LRRC4C: variants seen among roughly 807,000 people sequenced by gnomAD.
LRRC4C encodes leucine rich repeat containing 4C, also known as leucine-rich repeat-containing protein 4C.
A neutral mutation model predicts 33.6 loss-of-function variants in LRRC4C; 5 were observed. That is an observed-to-expected ratio of 0.15 (90% confidence interval 0.08 to 0.31). The LOEUF (loss-of-function observed/expected upper bound fraction) is 0.31. LRRC4C is among the 10% of genes least tolerant of loss of function. The pLI, the probability that LRRC4C is intolerant of heterozygous loss-of-function variation, is 1.00. For synonymous variants in LRRC4C, 329 were observed against 302.0 expected, an observed-to-expected ratio of 1.09 and a Z score of -0.93; for missense variants, 560 against 796.7, an observed-to-expected ratio of 0.70 and a Z score of 3.58.
chr11:40,872,772 G>A (rs759905100), intron 2 of LRRC4C, among the ~76,000 whole-genome samples: 1 of 152,042 alleles, frequency 6.6e-6, no homozygotes, highest in African/African-American at 2.4e-5. Flanking sequence ...AAAGGGGAAA[G>A]CATATTTCTC....
At chr11:41,107,450 A>C (rs1202899514) in intron 1 of LRRC4C, among the ~76,000 whole-genome samples, 1 of 152,132 alleles carries the variant, frequency 6.6e-6, no homozygotes, top group Non-Finnish European at 1.5e-5. Context: ...AGCAAGTGAA[A>C]TATCTCTCAT....
At chr11:40,671,967 G>A (rs565854871) in intron 2 of LRRC4C, among the ~76,000 whole-genome samples, 5 of 152,260 alleles carry the variant, frequency 3.3e-5, no homozygotes, top group Non-Finnish European at 5.9e-5. Context: ...TAAGGGATAA[G>A]TTTCTTTCTT....
intron 3 of LRRC4C, among the ~76,000 whole-genome samples, chr11:40,405,142 T>A (rs1044128761): frequency 7.3e-6 from 1 of 137,040 alleles, no homozygotes; most frequent in African/African-American, 3.0e-5. Context: ...ATATTTGAAC[T>A]TTTTTTTTTT....
intron 1 of LRRC4C, among the ~76,000 whole-genome samples, chr11:41,391,065 G>T (rs1483234252): frequency 6.6e-6 from 1 of 150,940 alleles, no homozygotes; most frequent in Non-Finnish European, 1.5e-5. Flanking sequence ...AAAATCATTT[G>T]TTCTATAAAC....
At chr11:40,913,024 C>A in intron 2 of LRRC4C, among the ~76,000 whole-genome samples, 1 of 152,154 alleles carries the variant, frequency 6.6e-6, no homozygotes, top group East Asian at 1.9e-4. Context: ...GCACCCAATA[C>A]AAGAGCACTC....
At chr11:40,964,855 G>A (rs1851229584) in intron 1 of LRRC4C, among the ~76,000 whole-genome samples, 1 of 151,912 alleles carries the variant, frequency 6.6e-6, no homozygotes, top group Non-Finnish European at 1.5e-5. Flanking sequence ...CTTTATAGCA[G>A]CATGATTTAT....
At chr11:40,813,605 A>C (rs879774111) in intron 2 of LRRC4C, among the ~76,000 whole-genome samples, 3 of 152,018 alleles carry the variant, frequency 2.0e-5, no homozygotes, top group African/African-American at 7.2e-5. Flanking sequence ...AAAACCAATC[A>C]TGCCTTCCCA....
At chr11:40,291,656 C>T (rs1791555357) in intron 4 of LRRC4C, among the ~76,000 whole-genome samples, 1 of 152,136 alleles carries the variant, frequency 6.6e-6, no homozygotes, top group South Asian at 2.1e-4. Context: ...TCTCCACCAG[C>T]TTCCTTGCCC....
intron 2 of LRRC4C, among the ~76,000 whole-genome samples, chr11:40,838,289 C>T (rs1209309885): frequency 2.0e-5 from 3 of 152,182 alleles, no homozygotes; most frequent in Non-Finnish European, 4.4e-5. Flanking sequence ...CTAATTGAAA[C>T]AACTGTTGAA....
At chr11:41,258,067 A>C (rs1454944866) in intron 1 of LRRC4C, among the ~76,000 whole-genome samples, 1 of 151,990 alleles carries the variant, frequency 6.6e-6, no homozygotes, top group Non-Finnish European at 1.5e-5. Context: ...GTAAGTAAAG[A>C]CTGAATGAGT....
At chr11:40,338,323 T>A (rs1946720662) in intron 3 of LRRC4C, among the ~76,000 whole-genome samples, 2 of 152,198 alleles carry the variant, frequency 1.3e-5, no homozygotes, top group Admixed American at 6.5e-5. Flanking sequence ...ATTAGTCAGA[T>A]CCAATTTCTG....
At chr11:41,374,372 T>C (rs905140126) in intron 1 of LRRC4C, among the ~76,000 whole-genome samples, 4 of 151,866 alleles carry the variant, frequency 2.6e-5, no homozygotes, top group South Asian at 2.1e-4. Flanking sequence ...AAGAGAAAAA[T>C]TAAAAAAAAA....
At chr11:41,015,142 T>G (rs1855487908) in intron 1 of LRRC4C, among the ~76,000 whole-genome samples, 1 of 152,176 alleles carries the variant, frequency 6.6e-6, no homozygotes. Context: ...TACTAATTTT[T>G]TTCTAATGGC....
At chr11:40,296,730 A>C (rs1267331061) in intron 4 of LRRC4C, among the ~76,000 whole-genome samples, 1 of 152,230 alleles carries the variant, frequency 6.6e-6, no homozygotes, top group Non-Finnish European at 1.5e-5. Flanking sequence ...CTGAAAAAAA[A>C]CATAATTATA....
chr11:40,265,037 CTG>C (rs1255111349), intron 4 of LRRC4C, among the ~76,000 whole-genome samples: 1 of 152,208 alleles, frequency 6.6e-6, no homozygotes, highest in Non-Finnish European at 1.5e-5. Flanking sequence ...ACTGGGAAAT[CTG>C]TTGTTTTGAA....
intron 4 of LRRC4C, among the ~76,000 whole-genome samples, chr11:40,296,389 C>T (rs752308292): frequency 1.3e-5 from 2 of 152,184 alleles, no homozygotes; most frequent in Non-Finnish European, 2.9e-5. Flanking sequence ...CTCAAAACAA[C>T]ACCCTGAGAG....
intron 5 of LRRC4C, among the ~76,000 whole-genome samples, chr11:40,209,080 G>C (rs1054168806): frequency 6.6e-6 from 1 of 151,958 alleles, no homozygotes; most frequent in Non-Finnish European, 1.5e-5. Context: ...AATTTACAAA[G>C]GACATGTGAA....
intron 3 of LRRC4C, among the ~76,000 whole-genome samples, chr11:40,367,343 G>T (rs1196473949): frequency 6.6e-6 from 1 of 152,160 alleles, no homozygotes; most frequent in East Asian, 1.9e-4. Flanking sequence ...TTCTCATCTT[G>T]TCTGAGGCAT....
intron 1 of LRRC4C, among the ~76,000 whole-genome samples, chr11:41,319,036 G>A (rs1950877360): frequency 6.6e-6 from 1 of 152,198 alleles, no homozygotes; most frequent in Non-Finnish European, 1.5e-5. Flanking sequence ...TAGAGCCACA[G>A]AAAGAATATG....
Sources: gnomAD v4.1 joint callset for allele counts (sites outside exome capture counted in the v4.1 genomes callset) on GRCh38, gnomAD v4.1.1 for gene constraint, MANE v1.5 for transcripts, NCBI Gene and HGNC (gene_info 2026-07-23, HGNC 2026-07-21) for gene names.